The following SNX29 variants were observed in gnomAD, a reference collection of about 807,000 sequenced individuals.
The protein encoded by SNX29 is sorting nexin-29.
A neutral mutation model predicts 102.1 loss-of-function variants in SNX29; 78 were observed. The observed-to-expected ratio is 0.76, with a 90% CI of 0.64 to 0.92. The LOEUF is 0.92. Among genes scored for constraint, SNX29 ranks in the 40% least tolerant of loss-of-function variants. The probability of loss-of-function intolerance (pLI) is 0.00; values close to 1 mark genes in which losing one functional copy is unlikely to be tolerated. For synonymous variants in SNX29, 580 were observed against 414.5 expected (o/e 1.40, Z -4.85); for missense variants, 1,280 against 1,061.7 (o/e 1.21, Z -2.86).
intron 15 of SNX29, among the ~76,000 whole-genome samples, chr16:12,294,895 T>TA (rs547137501): frequency 0.048 from 7,201 of 148,756 alleles, 231 homozygotes; most frequent in South Asian, 0.085. Context: ...GTAATTTATT[T>TA]AAAAAAAAAA....
intron 20 of SNX29, among the ~76,000 whole-genome samples, chr16:12,562,787 C>A (rs943191868): frequency 5.1e-4 from 77 of 152,276 alleles, no homozygotes; most frequent in Non-Finnish European, 8.8e-5. Flanking sequence ...TTAGCCATCA[C>A]CATCAAGATG....
At chr16:12,342,767 A>G (rs930481861) in intron 15 of SNX29, among the ~76,000 whole-genome samples, 10 of 152,164 alleles carry the variant, frequency 6.6e-5, no homozygotes, top group African/African-American at 1.9e-4. Flanking sequence ...GCAGACTGGG[A>G]CAGAATCCTG....
At chr16:12,254,249 C>T (rs569779865) in intron 14 of SNX29, among the ~76,000 whole-genome samples, 3 of 152,196 alleles carry the variant, frequency 2.0e-5, no homozygotes, top group South Asian at 2.1e-4. Flanking sequence ...GTATTGAAAG[C>T]CCCAAAACTG....
rs920945177 is a variant in SNX29, at chr16:12,571,681, T to C, written c.*3052T>C. ...AACGGTAGGGCTGGGCAGAGGTGTC[T>C]CTCCTTGAGAGACAACAAAAGCTTC... On this transcript the variant is annotated 3_prime_UTR_variant, in exon 21 of 21. Transcript: ENST00000566228. 2.8e-6 allele frequency: 3 copies of C among 1,059,352 alleles called. No individual in the cohort carries two copies. Among genetic ancestry groups the C allele is most frequent in the Admixed American group, 1.1e-4 (2 of 18,124 alleles). The allele number at this position is 1,059,352 out of a possible 1,614,324, so 65.6% of individuals were successfully genotyped here.
intron 20 of SNX29, among the ~76,000 whole-genome samples, chr16:12,552,226 C>T (rs541585709): frequency 9.9e-5 from 15 of 151,734 alleles, no homozygotes; most frequent in Admixed American, 7.3e-4. Context: ...GTCAGACATC[C>T]AGCACCATGC....
chr16:12,359,478 A>G (rs1319696961), intron 16 of SNX29, among the ~76,000 whole-genome samples: 1 of 152,190 alleles, frequency 6.6e-6, no homozygotes, highest in East Asian at 1.9e-4. Flanking sequence ...TCTACTGCAC[A>G]GTATTTGGTT....
intron 5 of SNX29, among the ~76,000 whole-genome samples, chr16:12,045,863 G>A (rs1432970258): frequency 1.3e-5 from 2 of 151,980 alleles, no homozygotes; most frequent in African/African-American, 4.8e-5. Context: ...GACCTCAAGT[G>A]ATCCTCCCCC....
intron 13 of SNX29, among the ~76,000 whole-genome samples, chr16:12,195,494 G>T (rs1292069484): frequency 6.6e-6 from 1 of 152,200 alleles, no homozygotes; most frequent in East Asian, 1.9e-4. Context: ...AGATGCCTAA[G>T]GGGGTTGGCA....
chr16:12,250,022 G>A lies in SNX29; in HGVS notation c.1679-27911G>A, dbSNP rs148751596. ...ATCTCAATGAAGTGTGGGCTCTCCC[G>A]GGTTGGGGAGCTCCAGTGCCAGGGG... On this transcript the variant is annotated intron_variant, in intron 14 of 20. Coordinates refer to ENST00000566228, the MANE Select transcript of SNX29 (RefSeq NM_032167.5). Among the ~76,000 whole-genome samples, 428 of 152,298 alleles carry A rather than the reference G, an allele frequency of 2.8e-3. 6 individuals carry two copies. Among genetic ancestry groups the A allele is most frequent in the African/African-American group, 9.4e-3 (389 of 41,560 alleles).
chr16:12,026,497 C>T (rs1479701862), intron 3 of SNX29, among the ~76,000 whole-genome samples: 1 of 152,212 alleles, frequency 6.6e-6, no homozygotes, highest in African/African-American at 2.4e-5. Context: ...CAGAAGTCCA[C>T]AGACCCAGTT....
At chr16:12,184,105 A>C (rs909444729) in intron 13 of SNX29, among the ~76,000 whole-genome samples, 4 of 152,096 alleles carry the variant, frequency 2.6e-5, no homozygotes, top group African/African-American at 9.7e-5. Flanking sequence ...GACTCACCCT[A>C]ATTTCTTTCT....
intron 20 of SNX29, chr16:12,527,361 A>T (rs1380934367): frequency 7.9e-6 from 4 of 506,406 alleles, no homozygotes; most frequent in South Asian, 6.4e-5. Context: ...GGTTAAAAAA[A>T]AATAAAAAAT....
At chr16:12,230,378 C>G (rs1482038282) in intron 14 of SNX29, among the ~76,000 whole-genome samples, 1 of 152,154 alleles carries the variant, frequency 6.6e-6, no homozygotes, top group Admixed American at 6.5e-5. Context: ...CATTAGCAAC[C>G]CATCTGCTGG....
intron 18 of SNX29, among the ~76,000 whole-genome samples, chr16:12,473,809 A>G (rs2087468496): frequency 6.6e-6 from 1 of 152,158 alleles, no homozygotes; most frequent in African/African-American, 2.4e-5. Flanking sequence ...GCAGTTTGTA[A>G]ATGCCATGGC....
intron 16 of SNX29, chr16:12,374,227 C>A (rs1001934243): frequency 6.6e-6 from 1 of 152,234 alleles, no homozygotes; most frequent in Non-Finnish European, 1.5e-5. Flanking sequence ...AGGGACTGAC[C>A]TAGGCATCAG....
At chr16:12,547,199 G>C (rs1338719443) in intron 20 of SNX29, among the ~76,000 whole-genome samples, 1 of 152,224 alleles carries the variant, frequency 6.6e-6, no homozygotes, top group Admixed American at 6.5e-5. Flanking sequence ...GGGATAGTTT[G>C]ACCCGAAGTG....
chr16:12,072,474 T>C (rs2051347039), intron 10 of SNX29, among the ~76,000 whole-genome samples: 1 of 152,206 alleles, frequency 6.6e-6, no homozygotes, highest in East Asian at 1.9e-4. Flanking sequence ...TTACATTTAT[T>C]GATTTGTGTA....
At position 12,572,103 on chromosome 16, in the gene SNX29, G is replaced by T; in HGVS notation, c.*3474G>T. On this transcript the variant is annotated 3_prime_UTR_variant, in exon 21 of 21. Coordinates refer to ENST00000566228, the MANE Select transcript of SNX29 (RefSeq NM_032167.5). The stretch of plus-strand genomic sequence containing the variant: ...AGAGGAAGGGGAGGGATGTGGACTG[G>T]GTCTGATCACAGCCCTTGGCCCTGC... 2 of 1,054,380 alleles carry T rather than the reference G, an allele frequency of 1.9e-6. No individual in the cohort carries two copies. The highest frequency in any genetic ancestry group is 5.0e-5 in the East Asian group (1 of 19,864). The allele number at this position is 1,054,380 out of a possible 1,614,324, so 65.3% of individuals were successfully genotyped here. A position where few individuals can be genotyped will look rare whatever the true frequency, so the allele number is the denominator to read the frequency against.
At chr16:12,562,177 C>G (rs1436408511) in intron 20 of SNX29, among the ~76,000 whole-genome samples, 4 of 152,166 alleles carry the variant, frequency 2.6e-5, no homozygotes, top group Non-Finnish European at 5.9e-5. Context: ...TGAGGTCTGA[C>G]CTGAGCATAG....
Sources: allele counts gnomAD v4.1 joint callset (sites outside exome capture counted in the v4.1 genomes callset), GRCh38; gene constraint gnomAD v4.1.1; transcripts MANE v1.5; gene names NCBI Gene and HGNC (gene_info 2026-07-23, HGNC 2026-07-21).